The following ADAMTS19 variants were observed in gnomAD, a reference collection of about 807,000 sequenced individuals.
The protein encoded by ADAMTS19 is A disintegrin and metalloproteinase with thrombospondin motifs 19.
In ADAMTS19, 93 loss-of-function variants were observed where a neutral mutation model predicts 153.3. That is an observed-to-expected ratio of 0.61 (90% CI 0.51 to 0.72). The LOEUF is 0.72. Among genes scored for constraint, ADAMTS19 ranks in the 30% least tolerant of loss-of-function variants. ADAMTS19 has a pLI of 0.00. For synonymous variants in ADAMTS19, 600 were observed against 556.6 expected, an observed-to-expected ratio of 1.08 and a Z score of -1.10; for missense variants, 1,482 against 1,552.1, an observed-to-expected ratio of 0.95 and a Z score of 0.76.
intron 6 of ADAMTS19, among the ~76,000 whole-genome samples, chr5:129,541,235 C>A (rs184174243): frequency 7.4e-4 from 111 of 150,216 alleles, no homozygotes; most frequent in African/African-American, 2.6e-3. Context: ...AAATTGGCTA[C>A]GTGGTGGACT....
At chr5:129,666,510 G>A (rs554146811) in intron 16 of ADAMTS19, among the ~76,000 whole-genome samples, 10 of 152,044 alleles carry the variant, frequency 6.6e-5, no homozygotes, top group African/African-American at 1.4e-4. Flanking sequence ...CTCAGCTTAC[G>A]TGATTGTTTC....
intron 2 of ADAMTS19, among the ~76,000 whole-genome samples, chr5:129,479,850 A>G (rs12659176): frequency 0.087 from 13,289 of 152,208 alleles, 832 homozygotes; most frequent in East Asian, 0.34. Flanking sequence ...TACAAAGCTC[A>G]TGAATTAGAA....
At chr5:129,729,046 A>T (rs1410676999) in intron 21 of ADAMTS19, among the ~76,000 whole-genome samples, 7 of 152,136 alleles carry the variant, frequency 4.6e-5, no homozygotes, top group African/African-American at 1.7e-4. Context: ...TTCACCACCT[A>T]GATGACAGTA....
intron 3 of ADAMTS19, among the ~76,000 whole-genome samples, chr5:129,523,141 T>C (rs1751885881): frequency 6.6e-6 from 1 of 151,366 alleles, no homozygotes; most frequent in Non-Finnish European, 1.5e-5. Context: ...GTAGGATATG[T>C]GGTTAGTAGA....
intron 2 of ADAMTS19, among the ~76,000 whole-genome samples, chr5:129,468,477 C>A (rs1030099094): frequency 1.7e-4 from 26 of 152,076 alleles, no homozygotes; most frequent in African/African-American, 6.3e-4. Context: ...CCTCAGCCTC[C>A]TAAGTAGCTG....
In ADAMTS19 at chr5:129,596,641, A is replaced by C. The variant is rs765636848; in HGVS notation, c.1455A>C (p.Thr485=). 6.8e-6 allele frequency: 11 copies of C among 1,606,732 alleles called. No homozygotes were observed. Among genetic ancestry groups the C allele is most frequent in the Non-Finnish European group, 7.6e-6 (9 of 1,176,870 alleles). ...AEDNGLNLAF[T]IAHEMGHNMG... Reference sequence around the variant, plus strand: ...ACAATGGCTTGAATCTTGCTTTTACAATTGCTCATGAAATGGGTCACAAGT... The same window carrying C: ...ACAATGGCTTGAATCTTGCTTTTACCATTGCTCATGAAATGGGTCACAAGT... The change falls in exon 8 of 23, where the codon ACA becomes ACC. Residue 485 remains threonine (T), a synonymous_variant. Coordinates refer to ENST00000274487, the MANE Select transcript of ADAMTS19 (RefSeq NM_133638.6).
In ADAMTS19 at chr5:129,632,690, T is replaced by A. The variant is rs571646498; in HGVS notation, c.1771-9169T>A. Among the ~76,000 whole-genome samples the A allele has an allele frequency of 4.6e-5, 7 of 152,164 alleles. No homozygotes were observed. The South Asian group carries it at 1.0e-3, about 23-fold the overall frequency. On this transcript the variant is annotated intron_variant, in intron 10 of 22. Coordinates refer to ENST00000274487, the MANE Select transcript of ADAMTS19 (RefSeq NM_133638.6). ...AAATTATAGGTTGACTTTTTCTTTT[T>A]CTTTTACCATCTCAGAAACCTTCCT...
At chr5:129,682,092 G>A (rs1419314056) in intron 17 of ADAMTS19, among the ~76,000 whole-genome samples, 3 of 152,116 alleles carry the variant, frequency 2.0e-5, no homozygotes, top group Non-Finnish European at 4.4e-5. Flanking sequence ...CCTTAGTGTT[G>A]GGTGGAGGGA....
At chr5:129,708,116 C>T (rs1024454575) in intron 21 of ADAMTS19, among the ~76,000 whole-genome samples, 2 of 152,116 alleles carry the variant, frequency 1.3e-5, no homozygotes, top group Admixed American at 1.3e-4. Context: ...TTGCTCTGGG[C>T]TTCTGAGGGG....
chr5:129,573,600 A>G (rs756472735), intron 7 of ADAMTS19, among the ~76,000 whole-genome samples: 7 of 152,070 alleles, frequency 4.6e-5, no homozygotes, highest in South Asian at 2.1e-4. Flanking sequence ...AATATTTCCT[A>G]TGGTTCACAA....
intron 16 of ADAMTS19, among the ~76,000 whole-genome samples, chr5:129,669,195 T>G (rs931373035): frequency 6.6e-6 from 1 of 151,998 alleles, no homozygotes; most frequent in Non-Finnish European, 1.5e-5. Flanking sequence ...GATATCCACA[T>G]GCAAAAAAAA....
chr5:129,652,558 A>G (rs1049688001), intron 13 of ADAMTS19, among the ~76,000 whole-genome samples: 43 of 152,372 alleles, frequency 2.8e-4, no homozygotes, highest in African/African-American at 1.0e-3. Context: ...CAAGTATGGC[A>G]TGTTACATGG....
intron 6 of ADAMTS19, among the ~76,000 whole-genome samples, chr5:129,545,389 C>A (rs1174199580): frequency 6.6e-6 from 1 of 152,054 alleles, no homozygotes; most frequent in Admixed American, 6.6e-5. Context: ...TTAAGAGATG[C>A]AAATACACAA....
intron 19 of ADAMTS19, among the ~76,000 whole-genome samples, chr5:129,697,390 T>C (rs1316202504): frequency 1.3e-5 from 2 of 152,222 alleles, no homozygotes; most frequent in Non-Finnish European, 2.9e-5. Context: ...TTTATAGTAG[T>C]AGAAGCTGAT....
intron 21 of ADAMTS19, among the ~76,000 whole-genome samples, chr5:129,731,213 C>A (rs542802864): frequency 6.6e-6 from 1 of 152,170 alleles, no homozygotes; most frequent in Non-Finnish European, 1.5e-5. Context: ...CGGCCTCAGC[C>A]TCCCAAAGTG....
chr5:129,471,342 G>T (rs1262414455), intron 2 of ADAMTS19, among the ~76,000 whole-genome samples: 1 of 151,710 alleles, frequency 6.6e-6, no homozygotes, highest in Non-Finnish European at 1.5e-5. Flanking sequence ...CTACAGCCTG[G>T]GTGACAGAGT....
intron 6 of ADAMTS19, among the ~76,000 whole-genome samples, chr5:129,548,812 G>A (rs1278607477): frequency 6.6e-6 from 1 of 151,912 alleles, no homozygotes; most frequent in Non-Finnish European, 1.5e-5. Flanking sequence ...TTAAGAAAAT[G>A]TGGCACATAT....
intron 6 of ADAMTS19, among the ~76,000 whole-genome samples, chr5:129,547,625 A>T (rs1288172634): frequency 6.6e-6 from 1 of 150,708 alleles, no homozygotes; most frequent in African/African-American, 2.5e-5. Context: ...ATTCAATGCC[A>T]TCCCCATCAA....
At chr5:129,610,784 T>A (rs1319755919) in intron 8 of ADAMTS19, among the ~76,000 whole-genome samples, 1 of 152,200 alleles carries the variant, frequency 6.6e-6, no homozygotes, top group Non-Finnish European at 1.5e-5. Flanking sequence ...GCATGATTTA[T>A]AATCCTTTGG....
Sources: allele counts gnomAD v4.1 joint callset (sites outside exome capture counted in the v4.1 genomes callset), GRCh38; gene constraint gnomAD v4.1.1; transcripts MANE v1.5; gene names NCBI Gene and HGNC (gene_info 2026-07-23, HGNC 2026-07-21).